The following RNF138 variants were observed in gnomAD, a reference collection of about 807,000 sequenced individuals.
RNF138 encodes E3 ubiquitin-protein ligase RNF138.
In RNF138, 12 loss-of-function variants were observed where a neutral mutation model predicts 31.0. The observed-to-expected ratio is 0.39, with a 90% CI of 0.25 to 0.63. The LOEUF is 0.63. Ranked by LOEUF, RNF138 falls within the 20% of genes least tolerant of loss-of-function variation. The probability of loss-of-function intolerance (pLI) is 0.52; values close to 1 mark genes in which losing one functional copy is unlikely to be tolerated. For synonymous variants in RNF138, 105 were observed against 99.5 expected (o/e 1.06, Z -0.33); for missense variants, 192 against 300.1 (o/e 0.64, Z 2.66).
chr18:32,096,740 T>C (rs553703025), intron 2 of RNF138, among the ~76,000 whole-genome samples: 2 of 152,296 alleles, frequency 1.3e-5, no homozygotes, highest in South Asian at 4.1e-4. Flanking sequence ...TTTTTGTTTT[T>C]GTTTTTTTTG....
In RNF138 at chr18:32,092,767, A is replaced by G; in HGVS notation, c.-10A>G. 3 of 1,541,866 alleles carry G rather than the reference A, an allele frequency of 1.9e-6. No homozygotes were observed. ...GCTGTCGCCATCGCCTTGTTTCCCC[A>G]TCCCCCGCCATGGCCGAGGACCTCT... On this transcript the variant is annotated 5_prime_UTR_variant, in exon 2 of 8. Coordinates refer to ENST00000261593, the MANE Select transcript of RNF138 (RefSeq NM_016271.5).
intron 3 of RNF138, among the ~76,000 whole-genome samples, chr18:32,113,198 C>T (rs1318074171): frequency 6.6e-6 from 1 of 152,136 alleles, no homozygotes. Flanking sequence ...CTCAGCCCCA[C>T]AGGTAGCTGA....
intron 5 of RNF138, 74 bp downstream of exon 5, chr18:32,123,648 T>TA: frequency 1.5e-5 from 16 of 1,034,488 alleles, no homozygotes; most frequent in Admixed American, 2.6e-5. Context: ...CTTTTTAAAT[T>TA]AAACTTTTTT....
intron 2 of RNF138, among the ~76,000 whole-genome samples, chr18:32,093,874 A>G (rs1006714273): frequency 2.6e-5 from 4 of 152,192 alleles, no homozygotes; most frequent in South Asian, 2.1e-4. Flanking sequence ...TTTTAAGTAA[A>G]CATACCAATT....
rs1257464005 is a variant in RNF138, at chr18:32,101,336, A to G, written c.110+8450A>G. ...TAGGTTCAAGCCATTCTTCTACCTC[A>G]GTCTTCTGAGTAGCTGGGATTACAG... On this transcript the variant is annotated intron_variant, in intron 2 of 7. Coordinates refer to ENST00000261593, the MANE Select transcript of RNF138 (RefSeq NM_016271.5). 6.0e-5 allele frequency among the ~76,000 whole-genome samples: 9 copies of G among 151,058 alleles called. No individual in the cohort carries two copies. In the Admixed American group the frequency reaches 6.0e-4, roughly 10 times the overall value.
At position 32,131,152 on chromosome 18, in the gene RNF138, T is replaced by A. The variant is rs2040470640; in HGVS notation, c.*1965T>A. The A allele has an allele frequency of 1.3e-5, 2 of 152,448 alleles. No individual in the cohort carries two copies. Among genetic ancestry groups the A allele is most frequent in the South Asian group, 4.1e-4 (2 of 4,836 alleles). The allele number at this position is 152,448 out of a possible 1,614,324, so 9.4% of individuals were successfully genotyped here. On this transcript the variant is annotated 3_prime_UTR_variant, in exon 8 of 8. Coordinates refer to ENST00000261593, the MANE Select transcript of RNF138 (RefSeq NM_016271.5). ...TAAAGGAAAATTGTAGTAGAGGTCA[T>A]CTTGATGGAATTGTGTTTTAAAGTT...
intron 2 of RNF138, 54 bp downstream of exon 2, chr18:32,092,940 C>T: frequency 1.8e-6 from 2 of 1,098,220 alleles, no homozygotes; most frequent in Non-Finnish European, 2.5e-6. Context: ...TAGGCCCGGC[C>T]TCCGGCCCGG....
At chr18:32,119,143 C>T (rs1380846801) in intron 4 of RNF138, among the ~76,000 whole-genome samples, 3 of 152,254 alleles carry the variant, frequency 2.0e-5, no homozygotes, top group South Asian at 4.1e-4. Flanking sequence ...GGAGTCAGTT[C>T]TTTGTCTACT....
In RNF138 at chr18:32,130,403, C is replaced by G. The variant is rs946365672; in HGVS notation, c.*1216C>G. On this transcript the variant is annotated 3_prime_UTR_variant, in exon 8 of 8. Transcript: ENST00000261593. ...AAAGATTCTACCAACCACTGTTTCA[C>G]TACTTTTTAGTTAAAATTGGGTATG... is the stretch of plus-strand genomic sequence containing the variant. 18 of 152,310 alleles carry G rather than the reference C, an allele frequency of 1.2e-4. No individual in the cohort carries two copies. Among genetic ancestry groups the G allele is most frequent in the Admixed American group, 3.3e-4 (5 of 15,262 alleles). The allele number at this position is 152,310 out of a possible 1,614,324, so 9.4% of individuals were successfully genotyped here.
chr18:32,126,872 C>G lies in RNF138; in HGVS notation c.669+72C>G, dbSNP rs567290807. The G allele has an allele frequency of 1.4e-3, 1,364 of 950,468 alleles. 25 individuals carry two copies. In the South Asian group the frequency reaches 0.019, roughly 13 times the overall value. 58.9% of individuals were successfully genotyped at this position (950,468 alleles called of 1,614,324 possible). On this transcript the variant is annotated intron_variant, in intron 7 of 7. Transcript: ENST00000261593. ...GTTAAAATAACTTTTTTGTAATCGA[C>G]TTAAATTTTGTGGCAAGCTGTTGTA...
chr18:32,107,777 A>G (rs888975385), intron 2 of RNF138, among the ~76,000 whole-genome samples: 1 of 151,766 alleles, frequency 6.6e-6, no homozygotes, highest in African/African-American at 2.4e-5. Context: ...TCAGCCTCCC[A>G]AAGTGCTGGG....
At chr18:32,124,438 G>C (rs2040354195) in intron 5 of RNF138, 1 of 243,542 alleles carries the variant, frequency 4.1e-6, no homozygotes, top group Non-Finnish European at 8.0e-6. Flanking sequence ...CTACAATTAA[G>C]TTTGGACCTA....
chr18:32,111,613 A>G (rs1214551867), intron 2 of RNF138, 141 bp from the exon 3 acceptor site: 2 of 678,336 alleles, frequency 2.9e-6, no homozygotes, highest in East Asian at 5.6e-5. Context: ...TACAGTTACT[A>G]AACTTCTGAG....
Position 32,091,992 on chromosome 18 carries a change from G to A in RNF138, c.-321G>A, listed in dbSNP as rs1251105075. 4 of 152,614 alleles carry A rather than the reference G, an allele frequency of 2.6e-5. No individual in the cohort carries two copies. Among genetic ancestry groups the A allele is most frequent in the African/African-American group, 9.6e-5 (4 of 41,478 alleles). The allele number at this position is 152,614 out of a possible 1,614,324, so 9.5% of individuals were successfully genotyped here. Reference sequence around the variant, plus strand: ...TCGGTGACGGCCGGGTAGGCTGTAGGCAGCGCAATGCCAAGACAGAGCTGC... The same window carrying A: ...TCGGTGACGGCCGGGTAGGCTGTAGACAGCGCAATGCCAAGACAGAGCTGC... On this transcript the variant is annotated 5_prime_UTR_variant, in exon 1 of 8. Coordinates refer to ENST00000261593, the MANE Select transcript of RNF138 (RefSeq NM_016271.5).
chr18:32,103,688 G>T (rs1190318602), intron 2 of RNF138, among the ~76,000 whole-genome samples: 1 of 152,158 alleles, frequency 6.6e-6, no homozygotes, highest in Non-Finnish European at 1.5e-5. Context: ...CATGGGCCGG[G>T]TGTGGTGGCT....
intron 2 of RNF138, among the ~76,000 whole-genome samples, chr18:32,097,981 TTTTGTTTG>T (rs776239716): frequency 1.3e-5 from 2 of 150,070 alleles, no homozygotes; most frequent in East Asian, 2.0e-4. Flanking sequence ...TGTGTGTTAT[TTTTGTTTG>T]TTTGTTTGTT....
chr18:32,117,872 T>C (rs2144262774), intron 4 of RNF138, among the ~76,000 whole-genome samples: 1 of 152,332 alleles, frequency 6.6e-6, no homozygotes, highest in Non-Finnish European at 1.5e-5. Context: ...CATAAGATTA[T>C]ATATTTTTGT....
At chr18:32,115,756 C>G (rs1398019006) in intron 4 of RNF138, among the ~76,000 whole-genome samples, 2 of 151,850 alleles carry the variant, frequency 1.3e-5, no homozygotes. Flanking sequence ...AACACACACA[C>G]ACGCACACAC....
intron 6 of RNF138, among the ~76,000 whole-genome samples, chr18:32,125,425 TATA>T (rs1487010994): frequency 2.0e-5 from 3 of 152,188 alleles, no homozygotes; most frequent in Non-Finnish European, 4.4e-5. Flanking sequence ...GATTCCAACA[TATA>T]ATGATCCTAG....
Sources: gnomAD v4.1 joint callset for allele counts (sites outside exome capture counted in the v4.1 genomes callset) on GRCh38, gnomAD v4.1.1 for gene constraint, MANE v1.5 for transcripts, NCBI Gene and HGNC (gene_info 2026-07-23, HGNC 2026-07-21) for gene names.